BNC2: variants seen among roughly 807,000 people sequenced by gnomAD.
BNC2 encodes the protein basonuclin zinc finger protein 2, also known as zinc finger protein basonuclin-2.
In BNC2, 20 loss-of-function variants were observed where a neutral mutation model predicts 76.3. The ratio of observed to expected loss-of-function variants is 0.26; its 90% CI spans 0.18 to 0.38. The LOEUF (loss-of-function observed/expected upper bound fraction) is 0.38. Among genes scored for constraint, BNC2 ranks in the 10% least tolerant of loss-of-function variants. The pLI is 1.00. For missense variants in BNC2, 1,382 were observed against 1,399.8 expected (o/e 0.99, Z 0.20); for synonymous variants, 582 against 514.8 (o/e 1.13, Z -1.77).
At chr9:16,452,093 G>A (rs1234047464) in intron 5 of BNC2, among the ~76,000 whole-genome samples, 1 of 152,186 alleles carries the variant, frequency 6.6e-6, no homozygotes, top group East Asian at 1.9e-4. Flanking sequence ...ATGGTGCAGG[G>A]AGGCAGCATC....
intron 1 of BNC2, among the ~76,000 whole-genome samples, chr9:16,742,140 C>T (rs1587370655): frequency 1.3e-5 from 2 of 152,082 alleles, no homozygotes; most frequent in South Asian, 2.1e-4. Flanking sequence ...TTCCCAAATT[C>T]GAAGTGTTTA....
chr9:16,565,625 C>A (rs10962488), intron 4 of BNC2, among the ~76,000 whole-genome samples: 1 of 151,672 alleles, frequency 6.6e-6, no homozygotes, highest in East Asian at 1.9e-4. Context: ...CTAAGCAACA[C>A]GGTGAGACCC....
At chr9:16,862,511 C>T (rs752001624) in intron 1 of BNC2, among the ~76,000 whole-genome samples, 4 of 152,132 alleles carry the variant, frequency 2.6e-5, no homozygotes, top group Admixed American at 1.3e-4. Context: ...TCTATAGATA[C>T]CCCGTCCCAG....
chr9:16,869,086 C>T (rs1819612790), intron 1 of BNC2, among the ~76,000 whole-genome samples: 1 of 152,104 alleles, frequency 6.6e-6, no homozygotes, highest in Non-Finnish European at 1.5e-5. Context: ...TACCTGCCAC[C>T]GGCTTTTACA....
At chr9:16,646,427 A>G (rs1563878410) in intron 3 of BNC2, among the ~76,000 whole-genome samples, 1 of 152,212 alleles carries the variant, frequency 6.6e-6, no homozygotes, top group East Asian at 1.9e-4. Flanking sequence ...ACTTGGTAAT[A>G]AAGAAGACAC....
At chr9:16,802,885 G>T (rs2135767019) in intron 1 of BNC2, among the ~76,000 whole-genome samples, 1 of 152,276 alleles carries the variant, frequency 6.6e-6, no homozygotes, top group Non-Finnish European at 1.5e-5. Context: ...TAACTTTGGG[G>T]AATAAAGACA....
intron 1 of BNC2, among the ~76,000 whole-genome samples, chr9:16,837,604 A>C (rs1280347279): frequency 6.6e-6 from 1 of 152,226 alleles, no homozygotes; most frequent in Non-Finnish European, 1.5e-5. Context: ...ATGTCTGGTG[A>C]AGAGGAGGTT....
chr9:16,539,245 G>T (rs937413216), intron 5 of BNC2, among the ~76,000 whole-genome samples: 3 of 152,116 alleles, frequency 2.0e-5, no homozygotes, highest in Admixed American at 1.3e-4. Flanking sequence ...GGGCGTGTTG[G>T]CTCACGTCTG....
chr9:16,751,624 A>ATATG (rs1563926869), intron 1 of BNC2, among the ~76,000 whole-genome samples: 2 of 28,260 alleles, frequency 7.1e-5, no homozygotes, highest in Non-Finnish European at 2.4e-4. Flanking sequence ...ATGTGTATAT[A>ATATG]TATATGTATG....
At chr9:16,843,019 G>GT (rs1818873588) in intron 1 of BNC2, among the ~76,000 whole-genome samples, 1 of 152,118 alleles carries the variant, frequency 6.6e-6, no homozygotes, top group Non-Finnish European at 1.5e-5. Flanking sequence ...AAAATTCAAA[G>GT]TTTTTTAATG....
At position 16,752,220 on chromosome 9, in the gene BNC2, T is replaced by G. The variant is rs572011015; in HGVS notation, c.4-13735A>C. ...TGGCTCAAAATTTTGTTTTGTTAAG[T>G]TATGTTTTACCAGTGCTTGAACATA... On this transcript the variant is annotated intron_variant, in intron 1 of 6. Coordinates refer to ENST00000380672, the MANE Select transcript of BNC2 (RefSeq NM_017637.6). Among the ~76,000 whole-genome samples the G allele has an allele frequency of 2.6e-5, 4 of 152,306 alleles. No homozygotes were observed. In the East Asian group the frequency reaches 7.7e-4, roughly 29 times the overall value.
intron 5 of BNC2, among the ~76,000 whole-genome samples, chr9:16,551,512 C>A (rs1818662696): frequency 1.3e-5 from 2 of 152,236 alleles, no homozygotes; most frequent in African/African-American, 4.8e-5. Context: ...TAGCACTATA[C>A]AAGGCTGGCA....
chr9:16,860,824 C>T, intron 1 of BNC2, among the ~76,000 whole-genome samples: 1 of 152,146 alleles, frequency 6.6e-6, no homozygotes, highest in East Asian at 1.9e-4. Flanking sequence ...CAGCAGATCA[C>T]CTGAGGCCAG....
chr9:16,543,903 C>T (rs558399231), intron 5 of BNC2, among the ~76,000 whole-genome samples: 19 of 152,272 alleles, frequency 1.2e-4, no homozygotes, highest in Non-Finnish European at 2.4e-4. Flanking sequence ...AGAAAACAGA[C>T]ACTATAAATA....
chr9:16,634,714 G>C (rs1404708252), intron 3 of BNC2, among the ~76,000 whole-genome samples: 1 of 151,892 alleles, frequency 6.6e-6, no homozygotes, highest in Non-Finnish European at 1.5e-5. Flanking sequence ...TGTTAGCCAG[G>C]ATGGTCTCGA....
At chr9:16,770,634 C>A (rs868233867) in intron 1 of BNC2, among the ~76,000 whole-genome samples, 20 of 137,678 alleles carry the variant, frequency 1.5e-4, no homozygotes, top group African/African-American at 5.5e-4. Flanking sequence ...AAAAACCCTA[C>A]CCTCAAGTCA....
At chr9:16,493,188 AAC>A (rs1336590158) in intron 5 of BNC2, among the ~76,000 whole-genome samples, 1 of 152,162 alleles carries the variant, frequency 6.6e-6, no homozygotes, top group African/African-American at 2.4e-5. Context: ...AGGTAAGCAA[AAC>A]CACTGATCTG....
intron 5 of BNC2, among the ~76,000 whole-genome samples, chr9:16,527,513 C>T (rs1368806057): frequency 1.3e-5 from 2 of 152,160 alleles, no homozygotes; most frequent in East Asian, 3.9e-4. Context: ...CCCACCAACA[C>T]AACTTCCTAC....
At chr9:16,475,639 C>T (rs895093662) in intron 5 of BNC2, among the ~76,000 whole-genome samples, 2 of 152,154 alleles carry the variant, frequency 1.3e-5, no homozygotes, top group Non-Finnish European at 2.9e-5. Context: ...TAGTTCTAAT[C>T]CACTAGAAAT....
Sources: gnomAD v4.1 joint callset for allele counts (sites outside exome capture counted in the v4.1 genomes callset) on GRCh38, gnomAD v4.1.1 for gene constraint, MANE v1.5 for transcripts, NCBI Gene and HGNC (gene_info 2026-07-23, HGNC 2026-07-21) for gene names.